TMEM164: variants seen among roughly 807,000 people sequenced by gnomAD.
TMEM164 encodes the protein RP13-360B22.2.
TMEM164 carries 4 observed loss-of-function variants against 18.8 expected under a neutral mutation model. That is an observed-to-expected ratio of 0.21 (90% confidence interval 0.10 to 0.49). TMEM164 has a LOEUF of 0.49. Ranked by LOEUF, TMEM164 falls within the 20% of genes least tolerant of loss-of-function variation. The pLI, the probability that TMEM164 is intolerant of heterozygous loss-of-function variation, is 0.98. For synonymous variants in TMEM164, 86 were observed against 101.7 expected (o/e 0.85, Z 0.93); for missense variants, 108 against 239.9 (o/e 0.45, Z 3.63).
At chrX:110,130,534 C>G (rs1023647211) in intron 4 of TMEM164, among the ~76,000 whole-genome samples, 1 of 111,297 alleles carries the variant, frequency 9.0e-6, no homozygotes, top group Non-Finnish European at 1.9e-5. Flanking sequence ...GTTTTGAACA[C>G]CAGTCACATC....
intron 2 of TMEM164, among the ~76,000 whole-genome samples, chrX:110,014,871 G>A (rs1454427132): frequency 4.6e-5 from 5 of 108,531 alleles, no homozygotes; most frequent in African/African-American, 6.8e-5. Context: ...CACCCCCAGA[G>A]CTCCTGGGTG....
At chrX:110,124,542 T>G (rs2066503333) in intron 4 of TMEM164, among the ~76,000 whole-genome samples, 2 of 110,789 alleles carry the variant, frequency 1.8e-5, no homozygotes, top group Non-Finnish European at 3.8e-5. Context: ...GTCCCGGTAC[T>G]GCATGGGTGC....
Position 110,003,906 on chromosome X carries a change from G to A in TMEM164, c.132G>A (p.Val44=), listed in dbSNP as rs1312176202. The change falls in exon 2 of 7, where the codon GTG becomes GTA. Residue 44 remains valine (V), a synonymous_variant. Transcript: ENST00000372068. ...SWQQRLLESV[V]VLTLALLEIL... is the part of the protein sequence containing the mutation. ...AGCAGCGGCTGCTGGAAAGTGTGGT[G>A]GTCCTGACCCTGGCTCTGTTGGAGA... is the stretch of plus-strand genomic sequence containing the variant. 2 of 1,209,729 alleles carry A rather than the reference G, an allele frequency of 1.7e-6. No individual in the cohort carries two copies. Among genetic ancestry groups the A allele is most frequent in the African/African-American group, 3.5e-5 (2 of 57,011 alleles).
chrX:110,096,308 G>GCAGT (rs1246149079), intron 3 of TMEM164, among the ~76,000 whole-genome samples: 1 of 112,829 alleles, frequency 8.9e-6, no homozygotes, highest in African/African-American at 3.2e-5. Flanking sequence ...AGGCAGGCAG[G>GCAGT]CCTCCTTCAG....
At chrX:110,016,639 G>T (rs1163370723) in intron 2 of TMEM164, among the ~76,000 whole-genome samples, 1 of 110,589 alleles carries the variant, frequency 9.0e-6, no homozygotes, top group Non-Finnish European at 1.9e-5. Context: ...CTTCCAGAAA[G>T]GTTGTTTTTT....
chrX:110,031,056 C>T (rs1934480537), intron 2 of TMEM164, among the ~76,000 whole-genome samples: 1 of 110,913 alleles, frequency 9.0e-6, no homozygotes, highest in African/African-American at 3.3e-5. Flanking sequence ...CCCTCCTCTT[C>T]CCCTGCAACT....
chrX:110,014,744 C>CTTTTTTTTTTTTTTTTTTTTTT (rs142705177), intron 2 of TMEM164, among the ~76,000 whole-genome samples: 42 of 54,229 alleles, frequency 7.7e-4, no homozygotes, highest in Non-Finnish European at 1.1e-3. Flanking sequence ...TTGGTTGTTT[C>CTTTTTTTTTTTTTTTTTTTTTT]TTTTTTTTTT....
At chrX:110,129,138 A>G (rs1287822996) in intron 4 of TMEM164, among the ~76,000 whole-genome samples, 1 of 111,920 alleles carries the variant, frequency 8.9e-6, no homozygotes, top group Non-Finnish European at 1.9e-5. Flanking sequence ...TGATTACCCA[A>G]GTAGTATACA....
rs769759595 is a variant in TMEM164, at chrX:110,131,145, A to G, written c.508-13653A>G. 6.3e-5 allele frequency among the ~76,000 whole-genome samples: 7 copies of G among 111,840 alleles called. No homozygotes were observed. In the South Asian group the frequency reaches 2.7e-3, roughly 43 times the overall value. ...CAGGCCAGGGAAGCCTGCCTCACAA[A>G]TGACTGCCAGGCCCACTGGTTGCCT... On this transcript the variant is annotated intron_variant, in intron 4 of 6. Transcript: ENST00000372068.
At chrX:110,153,812 G>T (rs2066979070) in intron 5 of TMEM164, among the ~76,000 whole-genome samples, 1 of 111,465 alleles carries the variant, frequency 9.0e-6, no homozygotes, top group Non-Finnish European at 1.9e-5. Flanking sequence ...TATCAGTAGT[G>T]TATTTTATGC....
At position 110,015,979 on chromosome X, in the gene TMEM164, G is replaced by A. The variant is rs1602474426; in HGVS notation, c.390+11815G>A. On this transcript the variant is annotated intron_variant, in intron 2 of 6. Coordinates refer to ENST00000372068, the MANE Select transcript of TMEM164 (RefSeq NM_032227.4). ...CTGTGGGGAATTTCAGGGGGGTATT[G>A]TCTTGGTCATCGGAGTCAGGGGTGG... Among the ~76,000 whole-genome samples the A allele has an allele frequency of 2.7e-5, 3 of 112,584 alleles. 1 individual carries two copies. The Admixed American group carries it at 2.8e-4, about 11-fold the overall frequency.
intron 2 of TMEM164, among the ~76,000 whole-genome samples, chrX:110,060,281 AAAAG>A (rs1404084352): frequency 1.9e-5 from 2 of 107,787 alleles, no homozygotes; most frequent in Non-Finnish European, 3.9e-5. Context: ...AAAAAAAAAA[AAAAG>A]AAAAGAAAAA....
chrX:110,017,220 T>C (rs1205097400), intron 2 of TMEM164, among the ~76,000 whole-genome samples: 1 of 112,095 alleles, frequency 8.9e-6, no homozygotes, highest in Non-Finnish European at 1.9e-5. Context: ...GTCTCCTGAC[T>C]CCCATTTCAA....
Position 110,173,541 on chromosome X carries a change from A to G in TMEM164, c.*90A>G. ...CCAGTTCTTGATAAAATCATGGGAG[A>G]GGGCAGTAGGATGTTTGGTGTATTT... On this transcript the variant is annotated 3_prime_UTR_variant, in exon 7 of 7. Coordinates refer to ENST00000372068, the MANE Select transcript of TMEM164 (RefSeq NM_032227.4). The G allele has an allele frequency of 1.3e-6, 1 of 747,383 alleles. No homozygotes were observed. The highest frequency in any genetic ancestry group is 1.9e-6 in the Non-Finnish European group (1 of 514,351). 61.6% of individuals were successfully genotyped at this position (747,383 alleles called of 1,213,427 possible). A position where few individuals can be genotyped will look rare whatever the true frequency, so the allele number is the denominator to read the frequency against.
chrX:110,003,759 G>C lies in TMEM164; in HGVS notation c.-16G>C, dbSNP rs763979574. ...CTCTTGCTTCCTGTACTGTGGTCAA[G>C]GGGAACCACTGCATCATGTCCCGGT... On this transcript the variant is annotated 5_prime_UTR_variant, in exon 2 of 7. Transcript: ENST00000372068. 1.7e-6 allele frequency: 2 copies of C among 1,182,359 alleles called. No homozygotes were observed. The highest frequency in any genetic ancestry group is 3.8e-5 in the South Asian group (2 of 51,975).
chrX:110,048,400 A>G (rs1457865452), intron 2 of TMEM164, among the ~76,000 whole-genome samples: 1 of 112,001 alleles, frequency 8.9e-6, no homozygotes, highest in Non-Finnish European at 1.9e-5. Flanking sequence ...ACAGAAACAA[A>G]GACCATGTCT....
rs542704774 is a variant in TMEM164 at position 110,073,604 on chromosome X, C to T, written c.440+6208C>T. On this transcript the variant is annotated intron_variant, in intron 3 of 6. Transcript: ENST00000372068. ...GTCTTTACTATTGTGAATAGTGCTGCGATGAATATACGGGTACTTGTATCT... is the reference window on the plus strand; with the variant it reads ...GTCTTTACTATTGTGAATAGTGCTGTGATGAATATACGGGTACTTGTATCT... Among the ~76,000 whole-genome samples the T allele has an allele frequency of 1.1e-4, 12 of 111,481 alleles. No homozygotes were observed. The South Asian group carries it at 1.9e-3, about 17-fold the overall frequency.
intron 4 of TMEM164, among the ~76,000 whole-genome samples, chrX:110,142,427 C>CT (rs1217018319): frequency 8.9e-6 from 1 of 112,099 alleles, no homozygotes; most frequent in Non-Finnish European, 1.9e-5. Context: ...CTGGCTAAGA[C>CT]TATAAATTCT....
intron 5 of TMEM164, among the ~76,000 whole-genome samples, chrX:110,170,160 T>C (rs1302058217): frequency 8.9e-6 from 1 of 112,714 alleles, no homozygotes; most frequent in Non-Finnish European, 1.9e-5. Context: ...CCATGCAAGC[T>C]TGTGCTTTGG....
Sources: gnomAD v4.1 joint callset for allele counts (sites outside exome capture counted in the v4.1 genomes callset) on GRCh38, gnomAD v4.1.1 for gene constraint, MANE v1.5 for transcripts, NCBI Gene and HGNC (gene_info 2026-07-23, HGNC 2026-07-21) for gene names.